Variants in MGAT5 observed in about 807,000 individuals in gnomAD.
The protein encoded by MGAT5 is alpha-1,6-mannosylglycoprotein 6-beta-N-acetylglucosaminyltransferase A.
MGAT5 carries 30 observed loss-of-function variants against 94.3 expected under a neutral mutation model. That is an observed-to-expected ratio of 0.32 (90% CI 0.24 to 0.43). The LOEUF is 0.43. MGAT5 is among the 20% of genes least tolerant of loss of function. The pLI is 1.00. For missense variants in MGAT5, 691 were observed against 905.5 expected (o/e 0.76, Z 3.04); for synonymous variants, 310 against 322.9 (o/e 0.96, Z 0.43).
intron 1 of MGAT5, among the ~76,000 whole-genome samples, chr2:134,163,273 G>A (rs755469536): frequency 1.3e-5 from 2 of 152,158 alleles, no homozygotes; most frequent in Non-Finnish European, 2.9e-5. Context: ...AGGGCCTTGG[G>A]GGCCAGGGTT....
intron 10 of MGAT5, among the ~76,000 whole-genome samples, chr2:134,369,759 A>ATGTGTGTGTGTGTGTGTGTGTGTG (rs1680668337): frequency 9.6e-5 from 4 of 41,808 alleles, no homozygotes; most frequent in African/African-American, 2.8e-4. Context: ...GTGTGTGTGA[A>ATGTGTGTGTGTGTGTGTGTGTGTG]TGACAGACTT....
chr2:134,199,843 G>C (rs1220605259), intron 1 of MGAT5, among the ~76,000 whole-genome samples: 1 of 152,126 alleles, frequency 6.6e-6, no homozygotes, highest in Non-Finnish European at 1.5e-5. Flanking sequence ...CATGAGTTCT[G>C]TTGGAGTTTG....
chr2:134,265,608 C>T (rs1683665512), intron 1 of MGAT5, among the ~76,000 whole-genome samples: 1 of 152,124 alleles, frequency 6.6e-6, no homozygotes, highest in African/African-American at 2.4e-5. Context: ...TCATCATGTA[C>T]AGTAAGTTTT....
Position 134,381,520 on chromosome 2 carries a change from C to CAGAT in MGAT5, c.1380+19115_1380+19116insTAGA, listed in dbSNP as rs1422684495. Among the ~76,000 whole-genome samples, 187 of 85,956 alleles carry CAGAT rather than the reference C, an allele frequency of 2.2e-3. 1 individual carries two copies. The highest frequency in any genetic ancestry group is 7.0e-3 in the African/African-American group (173 of 24,682). The allele number at this position is 85,956 out of a possible 152,430, so 56.4% of individuals were successfully genotyped here. ...CAGACAGACAGACAGACCAGACAGACAGACAGACAGACAGACAGATAGATA... is the reference window on the plus strand; with the variant it reads ...CAGACAGACAGACAGACCAGACAGACAGATAGACAGACAGACAGACAGATAGATA... On this transcript the variant is annotated intron_variant, in intron 10 of 15. Transcript: ENST00000281923.
At chr2:134,377,476 G>A (rs1681257628) in intron 10 of MGAT5, among the ~76,000 whole-genome samples, 1 of 152,232 alleles carries the variant, frequency 6.6e-6, no homozygotes, top group African/African-American at 2.4e-5. Context: ...GGAAAGTTGG[G>A]TTGGGCCAAT....
At chr2:134,220,988 G>T (rs1223469880) in intron 1 of MGAT5, among the ~76,000 whole-genome samples, 2 of 152,070 alleles carry the variant, frequency 1.3e-5, no homozygotes, top group Non-Finnish European at 2.9e-5. Flanking sequence ...TTCTTCTCCT[G>T]CTTCTCCACC....
At chr2:134,241,492 C>T (rs1467001608) in intron 1 of MGAT5, among the ~76,000 whole-genome samples, 2 of 152,156 alleles carry the variant, frequency 1.3e-5, no homozygotes, top group Non-Finnish European at 2.9e-5. Context: ...TATGTACTAA[C>T]AAGTATATAA....
chr2:134,248,693 TGTGTG>T (rs1682420373), intron 1 of MGAT5, among the ~76,000 whole-genome samples: 1 of 7,298 alleles, frequency 1.4e-4, no homozygotes, highest in South Asian at 3.4e-3. Flanking sequence ...CCTATGTGAA[TGTGTG>T]AATGTGGCGC....
chr2:134,333,229 A>G (rs1382815444), intron 4 of MGAT5, among the ~76,000 whole-genome samples: 3 of 152,082 alleles, frequency 2.0e-5, no homozygotes, highest in Non-Finnish European at 4.4e-5. Context: ...TGTGGCACAT[A>G]TACACCGTGG....
chr2:134,226,047 G>A (rs532747469), intron 1 of MGAT5, among the ~76,000 whole-genome samples: 4 of 152,354 alleles, frequency 2.6e-5, no homozygotes, highest in Non-Finnish European at 2.9e-5. Context: ...GTAGCCTTAG[G>A]AGAAGAGTGT....
intron 1 of MGAT5, among the ~76,000 whole-genome samples, chr2:134,229,209 C>T (rs1681221942): frequency 6.6e-6 from 1 of 152,220 alleles, no homozygotes; most frequent in Admixed American, 6.5e-5. Flanking sequence ...AAATCTAATG[C>T]AACCTTCTAG....
chr2:134,239,647 A>T (rs1350695205), intron 1 of MGAT5, among the ~76,000 whole-genome samples: 1 of 151,672 alleles, frequency 6.6e-6, no homozygotes, highest in East Asian at 1.9e-4. Context: ...CAGCTGATTA[A>T]CCTTAATTCC....
intron 1 of MGAT5, among the ~76,000 whole-genome samples, chr2:134,242,608 G>GT (rs1227379745): frequency 1.4e-4 from 22 of 152,144 alleles, no homozygotes; most frequent in Admixed American, 1.4e-3. Flanking sequence ...TTGCAGTCTG[G>GT]TTATAAACAC....
intron 12 of MGAT5, among the ~76,000 whole-genome samples, chr2:134,417,914 T>C (rs1238750850): frequency 1.3e-5 from 2 of 152,200 alleles, no homozygotes; most frequent in South Asian, 2.1e-4. Context: ...CCCTCATGAT[T>C]TTTTAAATGC....
At chr2:134,414,403 T>G (rs1335852236) in intron 12 of MGAT5, among the ~76,000 whole-genome samples, 1 of 152,186 alleles carries the variant, frequency 6.6e-6, no homozygotes, top group East Asian at 1.9e-4. Flanking sequence ...AGTTTAGGAA[T>G]CTCTGCTTTA....
intron 1 of MGAT5, among the ~76,000 whole-genome samples, chr2:134,266,405 G>C (rs1031301059): frequency 2.0e-5 from 3 of 152,024 alleles, no homozygotes; most frequent in East Asian, 2.0e-4. Context: ...ATTTTTTGGA[G>C]AGACGGAGTT....
At chr2:134,282,786 G>A (rs1186722516) in intron 2 of MGAT5, among the ~76,000 whole-genome samples, 1 of 152,134 alleles carries the variant, frequency 6.6e-6, no homozygotes, top group South Asian at 2.1e-4. Context: ...TCAGGTTTGA[G>A]GCTTGTCAAG....
intron 1 of MGAT5, among the ~76,000 whole-genome samples, chr2:134,183,080 G>A (rs189177631): frequency 4.1e-4 from 63 of 152,208 alleles, no homozygotes; most frequent in Non-Finnish European, 5.6e-4. Context: ...GTGAGCCACC[G>A]CACCTGGCCA....
At chr2:134,277,479 A>G (rs1684450868) in intron 2 of MGAT5, among the ~76,000 whole-genome samples, 1 of 152,234 alleles carries the variant, frequency 6.6e-6, no homozygotes, top group South Asian at 2.1e-4. Flanking sequence ...CTTTAAAATC[A>G]TCTGCTCTCC....
Sources: gnomAD v4.1 joint callset for allele counts (sites outside exome capture counted in the v4.1 genomes callset) on GRCh38, gnomAD v4.1.1 for gene constraint, MANE v1.5 for transcripts, NCBI Gene and HGNC (gene_info 2026-07-23, HGNC 2026-07-21) for gene names.